The following DAB1 variants were observed in gnomAD, a reference collection of about 807,000 sequenced individuals.
DAB1 encodes disabled homolog 1.
DAB1 carries 15 observed loss-of-function variants against 64.6 expected under a neutral mutation model. The ratio of observed to expected loss-of-function variants is 0.23; its 90% CI spans 0.16 to 0.36. DAB1 has a LOEUF of 0.36. Among genes scored for constraint, DAB1 ranks in the 10% least tolerant of loss-of-function variants. The probability of loss-of-function intolerance (pLI) is 1.00; values close to 1 mark genes in which losing one functional copy is unlikely to be tolerated. For synonymous variants in DAB1, 235 were observed against 251.9 expected (o/e 0.93, Z 0.64); for missense variants, 596 against 706.7 (o/e 0.84, Z 1.78).
chr1:57,498,345 G>A (rs953512777), intron 7 of DAB1, among the ~76,000 whole-genome samples: 1 of 152,158 alleles, frequency 6.6e-6, no homozygotes, highest in Non-Finnish European at 1.5e-5. Context: ...AGTATGTGAT[G>A]AGAAGGTGCC....
At chr1:57,978,385 C>G (rs1645976220) in intron 5 of DAB1, among the ~76,000 whole-genome samples, 2 of 152,048 alleles carry the variant, frequency 1.3e-5, no homozygotes, top group South Asian at 4.2e-4. Context: ...GAAACAGGAC[C>G]CCTTCCTTAC....
Position 57,789,217 on chromosome 1 carries a change from C to T in DAB1, n.551+94782G>A, listed in dbSNP as rs576495601. 2.0e-5 allele frequency among the ~76,000 whole-genome samples: 3 copies of T among 152,226 alleles called. No homozygotes were observed. In the East Asian group the frequency reaches 5.8e-4, roughly 29 times the overall value. Reference sequence around the variant, plus strand: ...CCTGCCGCCAAGCATGGGGTGCCTGCAAGGGAGAATGCCAGGTATTCTCTC... The same window carrying T: ...CCTGCCGCCAAGCATGGGGTGCCTGTAAGGGAGAATGCCAGGTATTCTCTC... On this transcript the variant is annotated intron_variant and non_coding_transcript_variant, in intron 6 of 20. Transcript: ENST00000485760.
chr1:57,709,707 G>A (rs1159697850), intron 6 of DAB1, among the ~76,000 whole-genome samples: 6 of 152,088 alleles, frequency 3.9e-5, no homozygotes, highest in African/African-American at 1.2e-4. Context: ...TCTGACTTAC[G>A]CACAAGATTG....
intron 1 of DAB1, among the ~76,000 whole-genome samples, chr1:57,356,015 G>C (rs1325536498): frequency 6.6e-6 from 1 of 151,518 alleles, no homozygotes; most frequent in East Asian, 1.9e-4. Flanking sequence ...ATCACATTTA[G>C]TTCCAGATTT....
intron 5 of DAB1, among the ~76,000 whole-genome samples, chr1:57,978,527 C>T (rs1329759552): frequency 6.6e-6 from 1 of 152,164 alleles, no homozygotes. Flanking sequence ...ATGTCTAGAA[C>T]ACCAAAAGCA....
At chr1:57,768,805 A>T (rs1168483747) in intron 6 of DAB1, among the ~76,000 whole-genome samples, 1 of 152,124 alleles carries the variant, frequency 6.6e-6, no homozygotes, top group Admixed American at 6.6e-5. Context: ...CAGTCCACCA[A>T]ATATTAATGA....
At chr1:57,431,454 A>T (rs184696153) in intron 7 of DAB1, among the ~76,000 whole-genome samples, 64 of 152,366 alleles carry the variant, frequency 4.2e-4, no homozygotes, top group African/African-American at 1.5e-3. Context: ...TGAGGTCAAA[A>T]AAAGCAATGA....
In DAB1 at chr1:57,175,315, ATTTT is replaced by A. The variant is rs35191101; in HGVS notation, c.68-29890_68-29887del. ...TTTTTTTTATTATTTCAGACTTTAA[ATTTT>A]TTTTTTTTTTTTGAGTACCTGACAA... On this transcript the variant is annotated intron_variant, in intron 2 of 14. Coordinates refer to ENST00000371236, the MANE Select transcript of DAB1 (RefSeq NM_001365792.1). 8.3e-3 allele frequency among the ~76,000 whole-genome samples: 1,194 copies of A among 143,992 alleles called. 22 individuals are homozygous for A. The highest frequency in any genetic ancestry group is 0.08 in the East Asian group (396 of 4,936). 94.5% of individuals were successfully genotyped at this position (143,992 alleles called of 152,430 possible).
intron 5 of DAB1, among the ~76,000 whole-genome samples, chr1:58,145,791 A>G (rs531548045): frequency 1.3e-5 from 2 of 152,244 alleles, no homozygotes; most frequent in African/African-American, 2.4e-5. Context: ...CTTCACTGAC[A>G]TAAAAGGAAG....
At chr1:58,435,974 C>G (rs1644940142) in intron 3 of DAB1, among the ~76,000 whole-genome samples, 1 of 152,210 alleles carries the variant, frequency 6.6e-6, no homozygotes, top group South Asian at 2.1e-4. Flanking sequence ...GCTTCTCAGA[C>G]TAGTCATGAT....
chr1:57,860,954 G>A (rs1366792171), intron 1 of DAB1: 1 of 152,304 alleles, frequency 6.6e-6, no homozygotes, highest in Non-Finnish European at 1.5e-5. Flanking sequence ...CCTCGGGCAT[G>A]GCAGCCTTGG....
At chr1:57,759,036 T>C (rs1004882808) in intron 6 of DAB1, among the ~76,000 whole-genome samples, 5 of 152,182 alleles carry the variant, frequency 3.3e-5, no homozygotes, top group Non-Finnish European at 7.4e-5. Flanking sequence ...CTAATCATTG[T>C]TGTTGCTGCT....
intron 2 of DAB1, among the ~76,000 whole-genome samples, chr1:57,204,844 G>T (rs1665411708): frequency 6.6e-6 from 1 of 152,154 alleles, no homozygotes; most frequent in Non-Finnish European, 1.5e-5. Context: ...AGCTCTTTGT[G>T]ATCACTTGTA....
intron 5 of DAB1, among the ~76,000 whole-genome samples, chr1:58,024,762 C>A (rs960843960): frequency 2.0e-5 from 3 of 152,074 alleles, no homozygotes; most frequent in African/African-American, 4.8e-5. Flanking sequence ...AGTAAATTGC[C>A]TTTTCTAATG....
At chr1:58,338,372 C>G (rs2100502461) in intron 4 of DAB1, among the ~76,000 whole-genome samples, 1 of 152,280 alleles carries the variant, frequency 6.6e-6, no homozygotes, top group South Asian at 2.1e-4. Flanking sequence ...CTTCATTCCT[C>G]TTGCCCATCC....
chr1:57,607,987 A>G (rs2101597264), intron 7 of DAB1, among the ~76,000 whole-genome samples: 1 of 152,246 alleles, frequency 6.6e-6, no homozygotes, highest in South Asian at 2.1e-4. Flanking sequence ...AACATGGGGC[A>G]AAAATAACTG....
intron 2 of DAB1, among the ~76,000 whole-genome samples, chr1:57,171,686 G>A (rs1661782724): frequency 6.6e-6 from 1 of 152,096 alleles, no homozygotes; most frequent in Non-Finnish European, 1.5e-5. Context: ...TAGGAAAACA[G>A]GACAGCTCTT....
chr1:57,228,805 A>G (rs1031839033), intron 2 of DAB1, among the ~76,000 whole-genome samples: 3 of 152,168 alleles, frequency 2.0e-5, no homozygotes, highest in African/African-American at 7.2e-5. Flanking sequence ...TAAAAGCCCC[A>G]TATTGTAAAC....
intron 4 of DAB1, among the ~76,000 whole-genome samples, chr1:58,301,276 G>A (rs1027524101): frequency 6.6e-6 from 1 of 151,904 alleles, no homozygotes; most frequent in African/African-American, 2.4e-5. Context: ...ACTCACAGAA[G>A]TTCTGCGGAA....
Sources: allele counts gnomAD v4.1 joint callset (sites outside exome capture counted in the v4.1 genomes callset), GRCh38; gene constraint gnomAD v4.1.1; transcripts MANE v1.5; gene names NCBI Gene and HGNC (gene_info 2026-07-23, HGNC 2026-07-21).